LDB2: variants seen among roughly 807,000 people sequenced by gnomAD.
The protein encoded by LDB2 is LIM domain-binding protein 2.
Under a neutral mutation model 44.3 loss-of-function variants are expected in LDB2, and 12 were observed. The ratio of observed to expected loss-of-function variants is 0.27; its 90% confidence interval spans 0.17 to 0.44. The LOEUF is 0.44. Ranked by LOEUF, LDB2 falls within the 20% of genes least tolerant of loss-of-function variation. The pLI, the probability that LDB2 is intolerant of heterozygous loss-of-function variation, is 1.00. For missense variants in LDB2, 344 were observed against 473.5 expected (o/e 0.73, Z 2.54); for synonymous variants, 164 against 174.8 (o/e 0.94, Z 0.49).
chr4:16,752,176 T>C (rs1279924275), intron 2 of LDB2, among the ~76,000 whole-genome samples: 1 of 152,232 alleles, frequency 6.6e-6, no homozygotes, highest in Admixed American at 6.5e-5. Context: ...TGTATTCTTT[T>C]CTTGAAAATA....
At chr4:16,573,692 C>T (rs954264354) in intron 5 of LDB2, among the ~76,000 whole-genome samples, 1 of 152,096 alleles carries the variant, frequency 6.6e-6, no homozygotes, top group Non-Finnish European at 1.5e-5. Flanking sequence ...GCTTCTGCCT[C>T]CTCAGAACGT....
intron 5 of LDB2, among the ~76,000 whole-genome samples, chr4:16,573,762 C>T (rs1263585278): frequency 1.3e-5 from 2 of 152,076 alleles, no homozygotes; most frequent in African/African-American, 4.8e-5. Flanking sequence ...GAATGGTATA[C>T]CTGGATTCCA....
At chr4:16,723,705 C>T (rs912836124) in intron 2 of LDB2, among the ~76,000 whole-genome samples, 3 of 152,112 alleles carry the variant, frequency 2.0e-5, no homozygotes, top group Admixed American at 6.6e-5. Flanking sequence ...TCATGCCAAG[C>T]AGACCCCACT....
chr4:16,602,376 C>T (rs575168351), intron 2 of LDB2, among the ~76,000 whole-genome samples: 1 of 152,232 alleles, frequency 6.6e-6, no homozygotes, highest in East Asian at 1.9e-4. Context: ...GGCAAAAGCC[C>T]TAAGACAGGA....
At chr4:16,854,262 C>T (rs555121597) in intron 1 of LDB2, among the ~76,000 whole-genome samples, 8 of 151,084 alleles carry the variant, frequency 5.3e-5, no homozygotes, top group Non-Finnish European at 1.2e-4. Flanking sequence ...TATTGTATAC[C>T]TTAAATATAC....
chr4:16,867,471 GC>G (rs1715090622), intron 1 of LDB2, among the ~76,000 whole-genome samples: 1 of 152,064 alleles, frequency 6.6e-6, no homozygotes, highest in Non-Finnish European at 1.5e-5. Context: ...TTAAGAAATA[GC>G]CCATACCGGT....
At chr4:16,740,651 T>C (rs1260688994) in intron 2 of LDB2, among the ~76,000 whole-genome samples, 3 of 152,262 alleles carry the variant, frequency 2.0e-5, no homozygotes, top group African/African-American at 7.2e-5. Flanking sequence ...CTTATGCTTC[T>C]CTCTTCCATT....
At chr4:16,507,755 G>A (rs1261843585) in intron 7 of LDB2, among the ~76,000 whole-genome samples, 1 of 152,128 alleles carries the variant, frequency 6.6e-6, no homozygotes. Context: ...AGTACTTAAA[G>A]GAGATAGTCT....
At chr4:16,579,431 A>G (rs1303875166) in intron 5 of LDB2, among the ~76,000 whole-genome samples, 1 of 152,240 alleles carries the variant, frequency 6.6e-6, no homozygotes, top group African/African-American at 2.4e-5. Context: ...TCTGTTTTCA[A>G]TATTTAGAAG....
chr4:16,728,567 G>C (rs1490792931), intron 2 of LDB2, among the ~76,000 whole-genome samples: 1 of 152,170 alleles, frequency 6.6e-6, no homozygotes, highest in Non-Finnish European at 1.5e-5. Flanking sequence ...AATAGTGATT[G>C]TATTTACAAT....
intron 2 of LDB2, 105 bp downstream of exon 2, chr4:16,759,053 G>T (rs1382256741): frequency 7.2e-6 from 5 of 694,044 alleles, no homozygotes; most frequent in Admixed American, 7.0e-5. Context: ...AGGAGTGGAG[G>T]TATTATTGTC....
chr4:16,563,250 A>G (rs1743098969), intron 5 of LDB2, among the ~76,000 whole-genome samples: 1 of 151,558 alleles, frequency 6.6e-6, no homozygotes. Flanking sequence ...ATTTAAAAAA[A>G]AGGAAGCTAG....
At chr4:16,673,737 G>A (rs763792216) in intron 2 of LDB2, among the ~76,000 whole-genome samples, 1 of 152,162 alleles carries the variant, frequency 6.6e-6, no homozygotes, top group African/African-American at 2.4e-5. Context: ...GTAGAGGCCA[G>A]GGATGCTGCC....
chr4:16,843,147 T>C (rs1241519151), intron 1 of LDB2, among the ~76,000 whole-genome samples: 2 of 152,214 alleles, frequency 1.3e-5, no homozygotes, highest in Non-Finnish European at 2.9e-5. Context: ...AACACTTTTC[T>C]TACAAACACC....
At position 16,508,528 on chromosome 4, in the gene LDB2, G is replaced by A. The variant is rs1720475157; in HGVS notation, c.891+7C>T. ...GATTTCGGGCCTAAGAGGAAAGCGA[G>A]ACTTACAGGTACCTGACTGGACAGA... On this transcript the variant is annotated splice_region_variant and intron_variant, in intron 7 of 7. Coordinates refer to ENST00000304523, the MANE Select transcript of LDB2 (RefSeq NM_001290.5). 5.8e-6 allele frequency: 9 copies of A among 1,553,964 alleles called. No homozygotes were observed. The highest frequency in any genetic ancestry group is 7.0e-6 in the Non-Finnish European group (8 of 1,145,586).
At chr4:16,809,682 T>C (rs1451443919) in intron 1 of LDB2, among the ~76,000 whole-genome samples, 2 of 152,046 alleles carry the variant, frequency 1.3e-5, no homozygotes, top group African/African-American at 2.4e-5. Context: ...GTTCCCTTCC[T>C]TTGGGAAAAT....
rs189503936 is a variant in LDB2 at position 16,739,650 on chromosome 4, G to A, written c.235+19508C>T. ...TGTGTATATATGTATATATACATATGTGTGTATATATGTATATATACATAT... is the reference window on the plus strand; with the variant it reads ...TGTGTATATATGTATATATACATATATGTGTATATATGTATATATACATAT... On this transcript the variant is annotated intron_variant, in intron 2 of 7. Coordinates refer to ENST00000304523, the MANE Select transcript of LDB2 (RefSeq NM_001290.5). 7.3e-3 allele frequency among the ~76,000 whole-genome samples: 360 copies of A among 49,008 alleles called. 33 individuals carry two copies. Among genetic ancestry groups the A allele is most frequent in the African/African-American group, 0.027 (311 of 11,458 alleles). 32.2% of individuals were successfully genotyped at this position (49,008 alleles called of 152,430 possible).
intron 1 of LDB2, among the ~76,000 whole-genome samples, chr4:16,888,242 C>G (rs183019303): frequency 9.5e-4 from 144 of 152,344 alleles, no homozygotes; most frequent in African/African-American, 3.1e-3. Flanking sequence ...CCCATTCAGA[C>G]AGCCCTGCAA....
At chr4:16,849,484 A>C (rs1787761746) in intron 1 of LDB2, among the ~76,000 whole-genome samples, 1 of 152,228 alleles carries the variant, frequency 6.6e-6, no homozygotes, top group Non-Finnish European at 1.5e-5. Context: ...TGTCAGTTAC[A>C]CTTTATCATG....
Sources: gnomAD v4.1 joint callset for allele counts (sites outside exome capture counted in the v4.1 genomes callset) on GRCh38, gnomAD v4.1.1 for gene constraint, MANE v1.5 for transcripts, NCBI Gene and HGNC (gene_info 2026-07-23, HGNC 2026-07-21) for gene names.